The following VOPP1 variants were observed in gnomAD, a reference collection of about 807,000 sequenced individuals.
VOPP1 encodes WW domain binding protein VOPP1.
VOPP1 carries 8 observed loss-of-function variants against 23.5 expected under a neutral mutation model. The observed-to-expected ratio is 0.34, with a 90% CI of 0.20 to 0.61. The LOEUF (loss-of-function observed/expected upper bound fraction) is 0.61. Ranked by LOEUF, VOPP1 falls within the 20% of genes least tolerant of loss-of-function variation. VOPP1 has a pLI of 0.78. For synonymous variants in VOPP1, 83 were observed against 97.3 expected (o/e 0.85, Z 0.86); for missense variants, 174 against 238.1 (o/e 0.73, Z 1.77).
chr7:55,505,647 A>G (rs992974706), intron 2 of VOPP1, among the ~76,000 whole-genome samples: 39 of 105,602 alleles, frequency 3.7e-4, no homozygotes, highest in African/African-American at 1.4e-3. Context: ...AAAAGGAAGG[A>G]AGGAAGGGAG....
At chr7:55,480,295 T>C (rs1023443031) in intron 4 of VOPP1, among the ~76,000 whole-genome samples, 9 of 152,246 alleles carry the variant, frequency 5.9e-5, no homozygotes, top group African/African-American at 2.2e-4. Context: ...TATTGAAATT[T>C]TCAATGTCTT....
chr7:55,487,042 G>A (rs1010498656), intron 4 of VOPP1, among the ~76,000 whole-genome samples: 4 of 152,180 alleles, frequency 2.6e-5, no homozygotes, highest in Non-Finnish European at 5.9e-5. Flanking sequence ...GCACCGTCAC[G>A]TTGGAAAAGA....
chr7:55,520,199 T>C (rs1159410701), intron 2 of VOPP1, among the ~76,000 whole-genome samples: 1 of 152,188 alleles, frequency 6.6e-6, no homozygotes, highest in Admixed American at 6.5e-5. Context: ...CGCGTTTTCC[T>C]ATTATTATAT....
chr7:55,469,832 T>A (rs549348014), downstream of VOPP1, among the ~76,000 whole-genome samples: 1 of 152,300 alleles, frequency 6.6e-6, no homozygotes, highest in Admixed American at 6.5e-5. Context: ...ACAGTTGTGA[T>A]CCCCAAATGC....
chr7:55,557,308 A>G (rs1435792671), intron 1 of VOPP1, among the ~76,000 whole-genome samples: 1 of 152,160 alleles, frequency 6.6e-6, no homozygotes, highest in Non-Finnish European at 1.5e-5. Flanking sequence ...CAGGGGTGGG[A>G]AGGCTGCACA....
chr7:55,570,929 G>GA (rs1166336489), intron 1 of VOPP1, among the ~76,000 whole-genome samples: 1 of 151,996 alleles, frequency 6.6e-6, no homozygotes, highest in African/African-American at 2.4e-5. Flanking sequence ...GCCACAGAAC[G>GA]AGACTCCATC....
At chr7:55,499,569 A>T (rs1431877624) in intron 2 of VOPP1, among the ~76,000 whole-genome samples, 1 of 152,166 alleles carries the variant, frequency 6.6e-6, no homozygotes, top group Non-Finnish European at 1.5e-5. Context: ...GAAAACATAA[A>T]CTGTGTTAGA....
Position 55,436,978 on chromosome 7 carries a change from A to C in VOPP1, n.418-804T>G, listed in dbSNP as rs563352372. Among the ~76,000 whole-genome samples, 231 of 152,290 alleles carry C rather than the reference A, an allele frequency of 1.5e-3. 3 individuals are homozygous for C. The highest frequency in any genetic ancestry group is 5.4e-3 in the African/African-American group (225 of 41,546). On this transcript the variant is annotated intron_variant and non_coding_transcript_variant, in intron 4 of 4. Transcript: ENST00000462326. ...CGCTGCTGCTCACATGTTGATAAAG[A>C]TATTACCCCACTCTTAAAGTATTGC...
At chr7:55,490,845 A>T (rs1463626193) in intron 4 of VOPP1, among the ~76,000 whole-genome samples, 1 of 152,176 alleles carries the variant, frequency 6.6e-6, no homozygotes, top group Non-Finnish European at 1.5e-5. Flanking sequence ...GAAAATATAT[A>T]TTTTTCTGAG....
At chr7:55,501,503 C>T (rs1223939327) in intron 2 of VOPP1, among the ~76,000 whole-genome samples, 1 of 152,220 alleles carries the variant, frequency 6.6e-6, no homozygotes, top group African/African-American at 2.4e-5. Flanking sequence ...GTCTCCCTGA[C>T]TGTAAGGTCA....
intron 1 of VOPP1, among the ~76,000 whole-genome samples, chr7:55,533,609 CCT>C (rs918208915): frequency 2.0e-5 from 3 of 152,166 alleles, no homozygotes; most frequent in African/African-American, 4.8e-5. Context: ...TGGAAACTCC[CCT>C]GAGCCTCAGC....
downstream of VOPP1, among the ~76,000 whole-genome samples, chr7:55,435,405 C>T (rs1455485565): frequency 5.3e-5 from 8 of 152,134 alleles, no homozygotes; most frequent in South Asian, 1.0e-3. Context: ...GAGGTGCCGT[C>T]GCATTTAGGA....
At chr7:55,557,695 A>T (rs952300860) in intron 1 of VOPP1, among the ~76,000 whole-genome samples, 1 of 152,352 alleles carries the variant, frequency 6.6e-6, no homozygotes, top group South Asian at 2.1e-4. Flanking sequence ...AACAAAACAC[A>T]TACATAAGAA....
intron 4 of VOPP1, among the ~76,000 whole-genome samples, chr7:55,491,880 T>A (rs186969785): frequency 6.6e-6 from 1 of 152,302 alleles, no homozygotes; most frequent in East Asian, 1.9e-4. Flanking sequence ...TCAGCAATAA[T>A]AAAATATCTA....
At chr7:55,507,435 T>G (rs1405563489) in intron 2 of VOPP1, among the ~76,000 whole-genome samples, 1 of 152,118 alleles carries the variant, frequency 6.6e-6, no homozygotes, top group Non-Finnish European at 1.5e-5. Flanking sequence ...TTAACAGCTT[T>G]ATTGATATAT....
chr7:55,448,919 A>ACT (rs34628759), intron 4 of VOPP1, among the ~76,000 whole-genome samples: 24,279 of 152,226 alleles, frequency 0.16, 2,158 homozygotes, highest in Middle Eastern at 0.28. Context: ...GGTTAAATAA[A>ACT]CTGGAACAGT....
chr7:55,504,628 G>T (rs1794590340), intron 2 of VOPP1, among the ~76,000 whole-genome samples: 1 of 152,256 alleles, frequency 6.6e-6, no homozygotes, highest in Admixed American at 6.5e-5. Context: ...CCCAGGGCAA[G>T]TGCCTTCCAT....
intron 1 of VOPP1, among the ~76,000 whole-genome samples, chr7:55,562,511 T>C (rs1196904760): frequency 6.6e-6 from 1 of 152,228 alleles, no homozygotes; most frequent in Non-Finnish European, 1.5e-5. Flanking sequence ...TCAAGACTAT[T>C]GCAATAGGGG....
chr7:55,479,103 T>A (rs1353210990), intron 4 of VOPP1, among the ~76,000 whole-genome samples: 1 of 152,184 alleles, frequency 6.6e-6, no homozygotes, highest in Non-Finnish European at 1.5e-5. Flanking sequence ...GAGGTATGTG[T>A]TACTTGTAGC....
Sources: allele counts gnomAD v4.1 joint callset (sites outside exome capture counted in the v4.1 genomes callset), GRCh38; gene constraint gnomAD v4.1.1; transcripts MANE v1.5; gene names NCBI Gene and HGNC (gene_info 2026-07-23, HGNC 2026-07-21).